Variants in PHACTR3 observed in about 807,000 individuals in gnomAD.
PHACTR3 encodes the protein phosphatase and actin regulator 3.
A neutral mutation model predicts 66.8 loss-of-function variants in PHACTR3; 16 were observed. The ratio of observed to expected loss-of-function variants is 0.24; its 90% CI spans 0.16 to 0.36. PHACTR3 has a LOEUF of 0.36. PHACTR3 is among the 10% of genes least tolerant of loss of function. The pLI, the probability that PHACTR3 is intolerant of heterozygous loss-of-function variation, is 1.00. For synonymous variants in PHACTR3, 323 were observed against 292.1 expected, an observed-to-expected ratio of 1.11 and a Z score of -1.08; for missense variants, 647 against 719.9, an observed-to-expected ratio of 0.90 and a Z score of 1.16.
At chr20:59,621,269 G>T (rs549156948) in intron 1 of PHACTR3, among the ~76,000 whole-genome samples, 2 of 152,356 alleles carry the variant, frequency 1.3e-5, no homozygotes, top group African/African-American at 4.8e-5. Context: ...GAGCACCCCA[G>T]TGCACATAGA....
Position 59,620,857 on chromosome 20 carries a change from A to C in PHACTR3, c.118+15725A>C, listed in dbSNP as rs138267664. On this transcript the variant is annotated intron_variant, in intron 1 of 12. Coordinates refer to ENST00000371015, the MANE Select transcript of PHACTR3 (RefSeq NM_080672.5). ...TGGCTGTCTTTCCGTCATTTCTCTT[A>C]AATGTATTAGTGAGTTCCATTACTC... is the stretch of plus-strand genomic sequence containing the variant. Among the ~76,000 whole-genome samples, 9 of 152,268 alleles carry C rather than the reference A, an allele frequency of 5.9e-5. 1 individual carries two copies. In the East Asian group the frequency reaches 1.7e-3, roughly 29 times the overall value.
chr20:59,682,142 C>T (rs1457061011), intron 1 of PHACTR3, among the ~76,000 whole-genome samples: 1 of 152,168 alleles, frequency 6.6e-6, no homozygotes, highest in Non-Finnish European at 1.5e-5. Context: ...GAGTTCGAGG[C>T]CAGCCTGGCC....
At chr20:59,744,616 C>T (rs1287452618) in intron 2 of PHACTR3, among the ~76,000 whole-genome samples, 1 of 152,190 alleles carries the variant, frequency 6.6e-6, no homozygotes, top group African/African-American at 2.4e-5. Flanking sequence ...GCAGGGGAGG[C>T]GGCCAACACC....
intron 1 of PHACTR3, among the ~76,000 whole-genome samples, chr20:59,730,515 T>A (rs2038725702): frequency 6.6e-6 from 1 of 151,844 alleles, no homozygotes; most frequent in African/African-American, 2.4e-5. Context: ...GCTTGCGGGG[T>A]AGGCAGGAGT....
At chr20:59,841,597 T>A in intron 11 of PHACTR3, 62 bp downstream of exon 11, 2 of 1,534,596 alleles carry the variant, frequency 1.3e-6, no homozygotes, top group Admixed American at 4.1e-5. Flanking sequence ...AAATATGTCA[T>A]GCCAGGGAGT....
At chr20:59,665,043 C>G (rs1400539758) in intron 1 of PHACTR3, among the ~76,000 whole-genome samples, 1 of 152,172 alleles carries the variant, frequency 6.6e-6, no homozygotes, top group Non-Finnish European at 1.5e-5. Flanking sequence ...ATTTTATAAT[C>G]AAATCAAATA....
At position 59,755,526 on chromosome 20, in the gene PHACTR3, G is replaced by A. The variant is rs2039755468; in HGVS notation, c.541+162G>A. Among the ~76,000 whole-genome samples the A allele has an allele frequency of 2.6e-5, 4 of 152,358 alleles. 1 individual carries two copies. The highest frequency in any genetic ancestry group is 3.4e-3 in the Middle Eastern group (1 of 294). On this transcript the variant is annotated intron_variant, in intron 4 of 12. Transcript: ENST00000371015. ...CTGCCATGCTGTGCTGCCTGGCTGG[G>A]TTGAAGTGTTTGCTGGGGCACTTTT...
intron 1 of PHACTR3, among the ~76,000 whole-genome samples, chr20:59,585,284 C>T (rs1467104095): frequency 6.6e-6 from 1 of 152,144 alleles, no homozygotes; most frequent in Non-Finnish European, 1.5e-5. Flanking sequence ...GCAAGAAGAA[C>T]ATATGAGGTT....
chr20:59,692,498 A>T (rs750085101), intron 1 of PHACTR3, among the ~76,000 whole-genome samples: 1 of 152,230 alleles, frequency 6.6e-6, no homozygotes, highest in Non-Finnish European at 1.5e-5. Flanking sequence ...AGGAAGGAAG[A>T]TGATGATGGA....
intron 7 of PHACTR3, among the ~76,000 whole-genome samples, chr20:59,787,305 T>C (rs1421658845): frequency 6.6e-6 from 1 of 152,198 alleles, no homozygotes; most frequent in African/African-American, 2.4e-5. Flanking sequence ...CCCTGGCAAG[T>C]GCACTGGCTT....
At chr20:59,771,791 C>T (rs1486817614) in intron 5 of PHACTR3, among the ~76,000 whole-genome samples, 1 of 152,256 alleles carries the variant, frequency 6.6e-6, no homozygotes, top group Non-Finnish European at 1.5e-5. Flanking sequence ...AACTAAAGTC[C>T]TCCACGAGGT....
intron 1 of PHACTR3, among the ~76,000 whole-genome samples, chr20:59,694,343 G>A (rs1286436713): frequency 6.6e-6 from 1 of 152,044 alleles, no homozygotes; most frequent in African/African-American, 2.4e-5. Flanking sequence ...GAACTTGTTT[G>A]CTTCCCTTCC....
intron 3 of PHACTR3, among the ~76,000 whole-genome samples, chr20:59,753,625 T>C (rs2035312137): frequency 6.6e-6 from 1 of 152,240 alleles, no homozygotes; most frequent in Admixed American, 6.5e-5. Flanking sequence ...GCCTACCTTA[T>C]GCCAGACACA....
chr20:59,749,672 G>GC (rs2039507165), intron 3 of PHACTR3, among the ~76,000 whole-genome samples: 1 of 152,192 alleles, frequency 6.6e-6, no homozygotes, highest in Non-Finnish European at 1.5e-5. Context: ...AGTCTCTGTT[G>GC]CAACTACTTG....
chr20:59,676,374 C>T (rs534030918), intron 1 of PHACTR3, among the ~76,000 whole-genome samples: 2 of 152,336 alleles, frequency 1.3e-5, no homozygotes, highest in South Asian at 4.1e-4. Context: ...GGGCGCCTGG[C>T]CCTGAGCAGA....
rs1182829157 is a variant in PHACTR3, at chr20:59,622,986, A to AAAAAAAAAAAAAAAAAAAAC, written c.118+17869_118+17870insAAAACAAAAAAAAAAAAAAA. ...AATTTTACAGCAGCTTTAACCAAAA[A>AAAAAAAAAAAAAAAAAAAAC]AAAAAAAAAAAAAAACCCAAATCTT... On this transcript the variant is annotated intron_variant, in intron 1 of 12. Coordinates refer to ENST00000371015, the MANE Select transcript of PHACTR3 (RefSeq NM_080672.5). 5.0e-5 allele frequency among the ~76,000 whole-genome samples: 7 copies of AAAAAAAAAAAAAAAAAAAAC among 140,206 alleles called. 1 individual carries two copies. The highest frequency in any genetic ancestry group is 1.4e-4 in the Admixed American group (2 of 14,242). 92.0% of individuals were successfully genotyped at this position (140,206 alleles called of 152,430 possible).
At chr20:59,688,742 C>G (rs1171268171) in intron 1 of PHACTR3, among the ~76,000 whole-genome samples, 1 of 151,900 alleles carries the variant, frequency 6.6e-6, no homozygotes, top group Non-Finnish European at 1.5e-5. Flanking sequence ...TTGTTTGGAA[C>G]ACAGTGGGGG....
At chr20:59,834,589 A>G (rs1001126531) in intron 8 of PHACTR3, among the ~76,000 whole-genome samples, 2 of 152,142 alleles carry the variant, frequency 1.3e-5, no homozygotes, top group Non-Finnish European at 2.9e-5. Context: ...GCCTGCCTTG[A>G]TTACCCACCC....
At position 59,584,851 on chromosome 20, in the gene PHACTR3, G is replaced by A. The variant is rs1373395118; in HGVS notation, c.109+7234G>A. Among the ~76,000 whole-genome samples the A allele has an allele frequency of 3.3e-5, 5 of 152,146 alleles. No homozygotes were observed. In the East Asian group the frequency reaches 5.8e-4, roughly 18 times the overall value. On this transcript the variant is annotated intron_variant, in intron 1 of 12. Coordinates refer to the PHACTR3 transcript ENST00000359926. ...CCGGGGGGATCTTTTCCCCCTGTAAGCTCTTATTGTCCAAATCTCTTCTTC... is the reference window on the plus strand; with the variant it reads ...CCGGGGGGATCTTTTCCCCCTGTAAACTCTTATTGTCCAAATCTCTTCTTC...
Sources: gnomAD v4.1 joint callset for allele counts (sites outside exome capture counted in the v4.1 genomes callset) on GRCh38, gnomAD v4.1.1 for gene constraint, MANE v1.5 for transcripts, NCBI Gene and HGNC (gene_info 2026-07-23, HGNC 2026-07-21) for gene names.